PECAM1: variants seen among roughly 807,000 people sequenced by gnomAD.
The protein encoded by PECAM1 is platelet endothelial cell adhesion molecule.
Under a neutral mutation model 13.8 loss-of-function variants are expected in PECAM1, and 8 were observed. The observed-to-expected ratio is 0.58, with a 90% CI of 0.34 to 1.05. The LOEUF is 1.05. Ranked by LOEUF, PECAM1 falls within the 50% of genes least tolerant of loss-of-function variation. The pLI is 0.03. For missense variants in PECAM1, 304 were observed against 141.2 expected (o/e 2.15, Z -5.84); for synonymous variants, 136 against 52.6 (o/e 2.58, Z -6.86).
intron 7 of PECAM1, among the ~76,000 whole-genome samples, chr17:64,358,111 C>CATTTTT (rs2035887938): frequency 1.4e-5 from 1 of 71,534 alleles, no homozygotes; most frequent in Non-Finnish European, 2.4e-5. Flanking sequence ...TGGCCACAGT[C>CATTTTT]TTTTTTTTTT....
In PECAM1 at chr17:64,375,294, C is replaced by T; in HGVS notation, c.448G>A (p.Val150Ile). Residue 150 changes from valine (V) to isoleucine (I), a missense_variant, in exon 4 of 16, where the codon GTC becomes ATC. Coordinates refer to ENST00000563924, the MANE Select transcript of PECAM1 (RefSeq NM_000442.5). ...TTTTCCTCTGGGACAGAACAGTTGACCCTCACGATCCCACCTTGGATGGCC... is the reference window on the plus strand; with the variant it reads ...TTTTCCTCTGGGACAGAACAGTTGATCCTCACGATCCCACCTTGGATGGCC... ...KEAIQGGIVR[V>I]NCSVPEEKAP... The T allele has an allele frequency of 2.1e-6, 1 of 475,246 alleles. No individual in the cohort carries two copies. The highest frequency in any genetic ancestry group is 3.9e-6 in the Non-Finnish European group (1 of 258,996). The allele number at this position is 475,246 out of a possible 1,614,324, so 29.4% of individuals were successfully genotyped here. A position where few individuals can be genotyped will look rare whatever the true frequency, so the allele number is the denominator to read the frequency against.
intron 4 of PECAM1, among the ~76,000 whole-genome samples, chr17:64,372,841 T>G (rs1024954612): frequency 2.7e-5 from 4 of 150,076 alleles, no homozygotes; most frequent in Non-Finnish European, 5.9e-5. Flanking sequence ...ACAGGCCAGG[T>G]GTGGCGGCTC....
chr17:64,330,738 A>G (rs371220523), intron 14 of PECAM1, among the ~76,000 whole-genome samples: 2 of 132,832 alleles, frequency 1.5e-5, no homozygotes, highest in Non-Finnish European at 3.2e-5. Flanking sequence ...CTCATTCTCC[A>G]AACCCTGTTG....
intron 5 of PECAM1, among the ~76,000 whole-genome samples, chr17:64,368,375 G>A (rs2036159629): frequency 2.0e-5 from 3 of 152,052 alleles, no homozygotes; most frequent in Non-Finnish European, 2.9e-5. Flanking sequence ...GGAGTCTGAG[G>A]GAACTTTCAA....
chr17:64,389,822 C>T (rs1279680578), intron 2 of PECAM1, among the ~76,000 whole-genome samples: 7 of 152,016 alleles, frequency 4.6e-5, no homozygotes, highest in African/African-American at 1.2e-4. Flanking sequence ...TGGAGGCCAG[C>T]GGATCACCTG....
At chr17:64,356,008 A>T in intron 8 of PECAM1, 103 bp downstream of exon 8, 1 of 467,386 alleles carries the variant, frequency 2.1e-6, no homozygotes, top group South Asian at 7.2e-5. Context: ...GCCTTCAGTC[A>T]CATAAGCTAG....
intron 5 of PECAM1, among the ~76,000 whole-genome samples, chr17:64,365,642 G>A (rs1398737467): frequency 4.6e-5 from 7 of 151,794 alleles, no homozygotes; most frequent in Admixed American, 2.0e-4. Context: ...TCAATGGAAC[G>A]GAACAGAGCC....
At chr17:64,340,786 A>G (rs977690521) in intron 14 of PECAM1, among the ~76,000 whole-genome samples, 1 of 152,020 alleles carries the variant, frequency 6.6e-6, no homozygotes, top group Non-Finnish European at 1.5e-5. Flanking sequence ...CCCACTCCCA[A>G]AGTCAGTCTA....
intron 5 of PECAM1, among the ~76,000 whole-genome samples, chr17:64,368,801 C>G (rs1355212780): frequency 1.4e-5 from 2 of 147,780 alleles, no homozygotes; most frequent in African/African-American, 5.0e-5. Flanking sequence ...TGTAGTGGGC[C>G]GAGATCGTGC....
rs1047253374 is a variant in PECAM1, at chr17:64,363,076, C to T, written c.1216+73G>A. The T allele has an allele frequency of 8.2e-4, 390 of 472,958 alleles. 1 individual carries two copies. Among genetic ancestry groups the T allele is most frequent in the South Asian group, 1.3e-3 (18 of 14,250 alleles). The allele number at this position is 472,958 out of a possible 1,614,324, so 29.3% of individuals were successfully genotyped here. A position where few individuals can be genotyped will look rare whatever the true frequency, so the allele number is the denominator to read the frequency against. On this transcript the variant is annotated intron_variant, in intron 6 of 15. Coordinates refer to ENST00000563924, the MANE Select transcript of PECAM1 (RefSeq NM_000442.5). ...CTGAGTCTGCTCAGACCGGAGAGGG[C>T]GGCAGCTGCAGATAAATTTCCTTTC...
At chr17:64,353,446 AC>A in intron 10 of PECAM1, 44 bp downstream of exon 10, 1 of 457,278 alleles carries the variant, frequency 2.2e-6, no homozygotes, top group Non-Finnish European at 4.0e-6. Context: ...AGACATGTCC[AC>A]CGTGCTCACA....
intron 8 of PECAM1, among the ~76,000 whole-genome samples, chr17:64,355,444 C>T (rs1009920363): frequency 6.6e-6 from 1 of 152,154 alleles, no homozygotes; most frequent in Non-Finnish European, 1.5e-5. Context: ...GAGCACACCA[C>T]CACACACAGC....
At position 64,382,109 on chromosome 17, in the gene PECAM1, C is replaced by CCT. The variant is rs57228236; in HGVS notation, c.92-3993_92-3992insAG. ...GAGCAAAACTCCATCTCAAAAAAACCTTTTTTTCCTTTGGACCATATTAAT... is the reference window on the plus strand; with the variant it reads ...GAGCAAAACTCCATCTCAAAAAAACCCTTTTTTTTCCTTTGGACCATATTAAT... On this transcript the variant is annotated intron_variant, in intron 2 of 15. Transcript: ENST00000563924. Among the ~76,000 whole-genome samples the CCT allele has an allele frequency of 4.2e-3, 629 of 151,132 alleles. 1 individual carries two copies. The highest frequency in any genetic ancestry group is 0.015 in the African/African-American group (608 of 40,528).
At chr17:64,343,252 C>A (rs2035479225) in intron 13 of PECAM1, among the ~76,000 whole-genome samples, 1 of 151,888 alleles carries the variant, frequency 6.6e-6, no homozygotes, top group African/African-American at 2.4e-5. Flanking sequence ...CCAGGGACAC[C>A]CCACTCTCAC....
In PECAM1 at chr17:64,375,159, CG is replaced by C; in HGVS notation, c.582del (p.Val195LeufsTer35). ...GATAAAACGCGGTCCTGTTCCTCAACGGGGAATTCCAGTATCACAAAATTCT... is the reference window on the plus strand; with the variant it reads ...GATAAAACGCGGTCCTGTTCCTCAACGGGAATTCCAGTATCACAAAATTCT... ...RDQNFVILEF[P>X]VEEQDRVLSF... On this transcript the variant is annotated frameshift_variant, in exon 4 of 16. Coordinates refer to ENST00000563924, the MANE Select transcript of PECAM1 (RefSeq NM_000442.5). LOFTEE classifies it high-confidence loss of function. 2 of 475,396 alleles carry C rather than the reference CG, an allele frequency of 4.2e-6. No individual in the cohort carries two copies. Among genetic ancestry groups the C allele is most frequent in the Non-Finnish European group, 3.9e-6 (1 of 259,058 alleles). 29.4% of individuals were successfully genotyped at this position (475,396 alleles called of 1,614,324 possible).
intron 2 of PECAM1, among the ~76,000 whole-genome samples, chr17:64,381,871 C>T (rs957034771): frequency 2.0e-5 from 3 of 152,196 alleles, no homozygotes; most frequent in East Asian, 1.9e-4. Context: ...GAGGCCGAGG[C>T]GGGTGGATCA....
At chr17:64,383,527 G>A (rs1399880037) in intron 2 of PECAM1, among the ~76,000 whole-genome samples, 2 of 152,094 alleles carry the variant, frequency 1.3e-5, no homozygotes, top group Non-Finnish European at 2.9e-5. Context: ...GCCAAGCACT[G>A]TCCCCCATAC....
intron 14 of PECAM1, among the ~76,000 whole-genome samples, chr17:64,331,932 G>A (rs2035134281): frequency 6.6e-6 from 1 of 152,240 alleles, no homozygotes; most frequent in East Asian, 1.9e-4. Context: ...ATCGAGAAAA[G>A]TACGCCAAGG....
At chr17:64,365,668 G>A (rs1241730413) in intron 5 of PECAM1, among the ~76,000 whole-genome samples, 10 of 150,704 alleles carry the variant, frequency 6.6e-5, no homozygotes, top group African/African-American at 2.2e-4. Flanking sequence ...GAATAACGCC[G>A]CATATCAACA....
Sources: gnomAD v4.1 joint callset for allele counts (sites outside exome capture counted in the v4.1 genomes callset) on GRCh38, gnomAD v4.1.1 for gene constraint, MANE v1.5 for transcripts, NCBI Gene and HGNC (gene_info 2026-07-23, HGNC 2026-07-21) for gene names.